Variants in SGCZ observed in about 807,000 individuals in gnomAD.
SGCZ encodes sarcoglycan zeta, also known as zeta-sarcoglycan.
In SGCZ, 40 loss-of-function variants were observed where a neutral mutation model predicts 41.3. The ratio of observed to expected loss-of-function variants is 0.97; its 90% CI spans 0.75 to 1.26. SGCZ has a LOEUF of 1.26. Among genes scored for constraint, SGCZ ranks in the 50% most tolerant of loss-of-function variants. SGCZ has a pLI of 0.00. For synonymous variants in SGCZ, 206 were observed against 137.5 expected (o/e 1.50, Z -3.49); for missense variants, 552 against 369.8 (o/e 1.49, Z -4.04).
At chr8:14,181,268 G>A (rs1275468525) in intron 4 of SGCZ, among the ~76,000 whole-genome samples, 3 of 152,162 alleles carry the variant, frequency 2.0e-5, no homozygotes, top group South Asian at 2.1e-4. Flanking sequence ...ATTGGTCTGT[G>A]ACTACAACAG....
In SGCZ at chr8:15,202,560, G is replaced by C. The variant is rs148700290; in HGVS notation, c.39+35025C>G. 2.6e-3 allele frequency among the ~76,000 whole-genome samples: 398 copies of C among 152,082 alleles called. 4 individuals carry two copies. The highest frequency in any genetic ancestry group is 9.3e-3 in the African/African-American group (385 of 41,502). ...ACATTGGGTACAATGTACACTTCTTGGATGAGAGGTGCACCAAAATCTCAG... is the reference window on the plus strand; with the variant it reads ...ACATTGGGTACAATGTACACTTCTTCGATGAGAGGTGCACCAAAATCTCAG... On this transcript the variant is annotated intron_variant, in intron 1 of 7. Coordinates refer to ENST00000382080, the MANE Select transcript of SGCZ (RefSeq NM_139167.4).
At chr8:14,702,345 C>A (rs902920167) in intron 1 of SGCZ, among the ~76,000 whole-genome samples, 1 of 151,838 alleles carries the variant, frequency 6.6e-6, no homozygotes, top group Admixed American at 6.6e-5. Context: ...TGCTCAAGGG[C>A]TCAGCTTTCT....
chr8:14,733,080 G>A (rs1459083351), intron 1 of SGCZ, among the ~76,000 whole-genome samples: 2 of 152,112 alleles, frequency 1.3e-5, no homozygotes, highest in Admixed American at 6.6e-5. Context: ...ACTCACCTGT[G>A]AGCATGACAC....
intron 1 of SGCZ, among the ~76,000 whole-genome samples, chr8:14,636,914 T>C (rs1227278489): frequency 6.6e-5 from 10 of 151,912 alleles, no homozygotes; most frequent in Non-Finnish European, 1.2e-4. Flanking sequence ...CTATCAAACC[T>C]TTTAAAATGT....
chr8:14,240,324 T>C (rs113131245), intron 3 of SGCZ, among the ~76,000 whole-genome samples: 19,914 of 64,202 alleles, frequency 0.31, 1,952 homozygotes, highest in African/African-American at 0.43. Context: ...CGAAACTCTG[T>C]GTCAAAAAAA....
chr8:14,412,343 T>A (rs1333968619), intron 2 of SGCZ, among the ~76,000 whole-genome samples: 2 of 152,106 alleles, frequency 1.3e-5, no homozygotes, highest in Non-Finnish European at 2.9e-5. Context: ...GACACATAGT[T>A]TGCATCCAAT....
In SGCZ at chr8:15,052,311, A is replaced by C. The variant is rs116910706; in HGVS notation, c.39+185274T>G. ...CAAGTACACATTCAGCTTTCAGTGA[A>C]ATGAAGAAGATGAAAAGAGGAGATA... On this transcript the variant is annotated intron_variant, in intron 1 of 7. Coordinates refer to ENST00000382080, the MANE Select transcript of SGCZ (RefSeq NM_139167.4). Among the ~76,000 whole-genome samples, 1,483 of 152,330 alleles carry C rather than the reference A, an allele frequency of 9.7e-3. 15 individuals are homozygous for C. Among genetic ancestry groups the C allele is most frequent in the South Asian group, 0.021 (102 of 4,824 alleles).
chr8:15,090,543 G>C (rs534086137), intron 1 of SGCZ, among the ~76,000 whole-genome samples: 6 of 152,206 alleles, frequency 3.9e-5, no homozygotes, highest in African/African-American at 1.2e-4. Context: ...TTCTAGAAAC[G>C]CAATTCAAAC....
chr8:15,113,552 G>A (rs1807153193), intron 1 of SGCZ, among the ~76,000 whole-genome samples: 1 of 152,122 alleles, frequency 6.6e-6, no homozygotes, highest in African/African-American at 2.4e-5. Context: ...TGACTTCGGT[G>A]CCTGCCTTCC....
intron 1 of SGCZ, among the ~76,000 whole-genome samples, chr8:14,758,323 G>T (rs1799752183): frequency 6.6e-6 from 1 of 152,066 alleles, no homozygotes; most frequent in Non-Finnish European, 1.5e-5. Context: ...TCTTTTCCCT[G>T]AACTTTACAA....
intron 2 of SGCZ, among the ~76,000 whole-genome samples, chr8:14,337,495 C>A (rs1802545773): frequency 6.6e-6 from 1 of 152,094 alleles, no homozygotes; most frequent in Admixed American, 6.6e-5. Flanking sequence ...GAAAGGACTA[C>A]AGGAGACGAT....
intron 1 of SGCZ, among the ~76,000 whole-genome samples, chr8:14,845,348 CT>C (rs1222178322): frequency 6.6e-6 from 1 of 152,130 alleles, no homozygotes; most frequent in Non-Finnish European, 1.5e-5. Context: ...AACAATGTTT[CT>C]ACATAACTCA....
At chr8:14,834,076 G>A (rs1802617620) in intron 1 of SGCZ, among the ~76,000 whole-genome samples, 1 of 152,084 alleles carries the variant, frequency 6.6e-6, no homozygotes, top group Admixed American at 6.6e-5. Flanking sequence ...TTGCAGTAAG[G>A]CTGAATATAT....
At chr8:14,814,685 C>T (rs538534592) in intron 1 of SGCZ, among the ~76,000 whole-genome samples, 15 of 152,218 alleles carry the variant, frequency 9.9e-5, no homozygotes, top group Admixed American at 9.8e-4. Context: ...CAGGTAGGAA[C>T]TTGGAGAATT....
rs1027421310 is a variant in SGCZ, at chr8:14,280,799, G to A, written c.337-43120C>T. On this transcript the variant is annotated intron_variant, in intron 3 of 7. Coordinates refer to ENST00000382080, the MANE Select transcript of SGCZ (RefSeq NM_139167.4). ...CTTTCTTCAGTGCTTTTAAACTATA[G>A]GGTTTTTTTTTTTTTTAATGGACTT... is the stretch of plus-strand genomic sequence containing the variant. Among the ~76,000 whole-genome samples the A allele has an allele frequency of 5.1e-4, 6 of 11,674 alleles. No individual in the cohort carries two copies. The East Asian group carries it at 0.016, about 30-fold the overall frequency. 7.7% of individuals were successfully genotyped at this position (11,674 alleles called of 152,430 possible).
chr8:14,321,870 T>C (rs1400513116), intron 3 of SGCZ, among the ~76,000 whole-genome samples: 2 of 152,120 alleles, frequency 1.3e-5, no homozygotes, highest in Non-Finnish European at 2.9e-5. Flanking sequence ...ATTATTGAAA[T>C]GTTTGTGTTC....
intron 5 of SGCZ, among the ~76,000 whole-genome samples, chr8:14,113,537 A>T (rs959524666): frequency 2.0e-5 from 3 of 151,780 alleles, no homozygotes; most frequent in Non-Finnish European, 2.9e-5. Context: ...GCCTTTTTTG[A>T]GTTTTCTCCT....
At position 14,944,454 on chromosome 8, in the gene SGCZ, C is replaced by A. The variant is rs191632911; in HGVS notation, c.39+293131G>T. Among the ~76,000 whole-genome samples, 334 of 152,210 alleles carry A rather than the reference C, an allele frequency of 2.2e-3. 1 individual carries two copies. Among genetic ancestry groups the A allele is most frequent in the Non-Finnish European group, 3.9e-3 (265 of 68,020 alleles). ...TCAGAATATGTGAGTTATGAGTATA[C>A]TGGAAAACTTTAAGCTATGTTGTGG... On this transcript the variant is annotated intron_variant, in intron 1 of 7. Transcript: ENST00000382080.
chr8:14,184,488 T>G (rs2169702), intron 4 of SGCZ, among the ~76,000 whole-genome samples: 109,423 of 151,996 alleles, frequency 0.72, 40,129 homozygotes, highest in African/African-American at 0.84. Flanking sequence ...ATAAATGTAT[T>G]GAAATGAATA....
Sources: allele counts gnomAD v4.1 joint callset (sites outside exome capture counted in the v4.1 genomes callset), GRCh38; gene constraint gnomAD v4.1.1; transcripts MANE v1.5; gene names NCBI Gene and HGNC (gene_info 2026-07-23, HGNC 2026-07-21).